FRMD5: variants seen among roughly 807,000 people sequenced by gnomAD.
FRMD5 encodes FERM domain-containing protein 5.
In FRMD5, 20 loss-of-function variants were observed where a neutral mutation model predicts 69.0. That is an observed-to-expected ratio of 0.29 (90% CI 0.20 to 0.42). The LOEUF is 0.42. FRMD5 is among the 10% of genes least tolerant of loss of function. The pLI is 1.00. For missense variants in FRMD5, 595 were observed against 708.6 expected, an observed-to-expected ratio of 0.84 and a Z score of 1.82; for synonymous variants, 271 against 260.1, an observed-to-expected ratio of 1.04 and a Z score of -0.40.
intron 1 of FRMD5, among the ~76,000 whole-genome samples, chr15:44,184,412 T>C (rs1300258963): frequency 6.6e-6 from 1 of 152,232 alleles, no homozygotes; most frequent in African/African-American, 2.4e-5. Flanking sequence ...ACAATACAGA[T>C]TTCCATTTGT....
intron 4 of FRMD5, among the ~76,000 whole-genome samples, chr15:43,911,668 A>G (rs1468662220): frequency 6.6e-6 from 1 of 152,162 alleles, no homozygotes; most frequent in East Asian, 1.9e-4. Context: ...TTTAACTTTT[A>G]TGGTCCAGCA....
intron 1 of FRMD5, among the ~76,000 whole-genome samples, chr15:44,009,395 T>C (rs995851146): frequency 5.9e-5 from 9 of 152,058 alleles, no homozygotes; most frequent in African/African-American, 2.2e-4. Context: ...TAAAGTAACA[T>C]GTGGCTGGGT....
At chr15:43,980,765 T>C (rs1265121747) in intron 1 of FRMD5, among the ~76,000 whole-genome samples, 2 of 152,144 alleles carry the variant, frequency 1.3e-5, no homozygotes, top group African/African-American at 2.4e-5. Flanking sequence ...AAGGAGAATA[T>C]TTCAGTAAAG....
intron 4 of FRMD5, among the ~76,000 whole-genome samples, chr15:43,915,344 C>T (rs1309188788): frequency 6.6e-6 from 1 of 152,176 alleles, no homozygotes; most frequent in Non-Finnish European, 1.5e-5. Context: ...TGGCCCTTTA[C>T]AGAAAAAGTT....
intron 1 of FRMD5, among the ~76,000 whole-genome samples, chr15:43,962,587 C>T (rs1472857523): frequency 3.3e-5 from 5 of 152,118 alleles, no homozygotes; most frequent in African/African-American, 4.8e-5. Flanking sequence ...AAACAGAGCC[C>T]GCATTGCCAA....
intron 1 of FRMD5, among the ~76,000 whole-genome samples, chr15:44,007,844 ATG>A (rs1308030527): frequency 6.6e-6 from 1 of 151,594 alleles, no homozygotes; most frequent in African/African-American, 2.4e-5. Context: ...GGGTTTCTCC[ATG>A]TTGGTCAGGC....
intron 13 of FRMD5, among the ~76,000 whole-genome samples, chr15:43,882,564 G>A (rs753926781): frequency 2.0e-5 from 3 of 152,020 alleles, no homozygotes; most frequent in Non-Finnish European, 4.4e-5. Flanking sequence ...TCACCATGTT[G>A]GCCAGGCTGG....
At chr15:43,936,570 A>G (rs945515937) in intron 1 of FRMD5, among the ~76,000 whole-genome samples, 1 of 152,034 alleles carries the variant, frequency 6.6e-6, no homozygotes, top group Non-Finnish European at 1.5e-5. Flanking sequence ...TGAGTCTTCA[A>G]CTCCTAATAC....
chr15:44,076,794 A>G (rs1893790145), intron 1 of FRMD5, among the ~76,000 whole-genome samples: 1 of 152,032 alleles, frequency 6.6e-6, no homozygotes, highest in Admixed American at 6.5e-5. Flanking sequence ...AAAAGAAAAA[A>G]AAAAAGCTCT....
At chr15:44,078,144 T>A (rs1893847322) in intron 1 of FRMD5, among the ~76,000 whole-genome samples, 1 of 152,114 alleles carries the variant, frequency 6.6e-6, no homozygotes, top group Non-Finnish European at 1.5e-5. Flanking sequence ...ATCAAACTTT[T>A]AAAAAATTCA....
At chr15:43,999,075 T>A (rs1890065740) in intron 1 of FRMD5, among the ~76,000 whole-genome samples, 2 of 152,216 alleles carry the variant, frequency 1.3e-5, no homozygotes, top group Admixed American at 1.3e-4. Flanking sequence ...CTTTCATTTT[T>A]ATTTTTTTTT....
chr15:43,888,072 C>T, intron 10 of FRMD5, 103 bp downstream of exon 10: 1 of 839,786 alleles, frequency 1.2e-6, no homozygotes, highest in African/African-American at 1.7e-5. Flanking sequence ...TTGCCCACTT[C>T]CAGCTACCCC....
At chr15:44,074,559 A>G in intron 1 of FRMD5, among the ~76,000 whole-genome samples, 1 of 151,248 alleles carries the variant, frequency 6.6e-6, no homozygotes. Context: ...GCTGGAGTGC[A>G]GTGGCACCAT....
chr15:44,042,239 T>G (rs759635984), intron 1 of FRMD5, among the ~76,000 whole-genome samples: 1 of 152,286 alleles, frequency 6.6e-6, no homozygotes, highest in South Asian at 2.1e-4. Context: ...CAGGAAGAAG[T>G]TGAATCCCTG....
intron 1 of FRMD5, among the ~76,000 whole-genome samples, chr15:44,059,674 G>A (rs1020976710): frequency 1.3e-5 from 2 of 151,878 alleles, no homozygotes; most frequent in Non-Finnish European, 2.9e-5. Flanking sequence ...ACCACGCCCA[G>A]CTAATTTTTT....
At chr15:44,121,988 C>T (rs1041292240) in intron 1 of FRMD5, among the ~76,000 whole-genome samples, 1 of 70,010 alleles carries the variant, frequency 1.4e-5, no homozygotes. Context: ...AAGGGAGACT[C>T]AAAAAAAAAA....
intron 1 of FRMD5, among the ~76,000 whole-genome samples, chr15:44,098,418 G>C (rs2076587166): frequency 1.3e-5 from 2 of 151,882 alleles, no homozygotes; most frequent in Non-Finnish European, 2.9e-5. Context: ...CCAGCTACTT[G>C]GGAGGCTGAG....
chr15:43,913,047 AAAG>A (rs2089319045), intron 4 of FRMD5, among the ~76,000 whole-genome samples: 3 of 151,600 alleles, frequency 2.0e-5, no homozygotes, highest in Admixed American at 1.3e-4. Flanking sequence ...AAAAAAAAAA[AAAG>A]AAAAGAAAAG....
intron 1 of FRMD5, among the ~76,000 whole-genome samples, chr15:44,016,352 T>C (rs562251809): frequency 6.6e-6 from 1 of 152,310 alleles, no homozygotes; most frequent in African/African-American, 2.4e-5. Flanking sequence ...ATACGAATAA[T>C]GTATTTCTTC....
Sources: gnomAD v4.1 joint callset for allele counts (sites outside exome capture counted in the v4.1 genomes callset) on GRCh38, gnomAD v4.1.1 for gene constraint, MANE v1.5 for transcripts, NCBI Gene and HGNC (gene_info 2026-07-23, HGNC 2026-07-21) for gene names.